Variants in APLF observed in about 807,000 individuals in gnomAD.
The protein encoded by APLF is aprataxin and PNKP like factor, also known as aprataxin and PNK-like factor.
In APLF, 61 loss-of-function variants were observed where a neutral mutation model predicts 55.6. The ratio of observed to expected loss-of-function variants is 1.10; its 90% CI spans 0.89 to 1.36. APLF has a LOEUF of 1.36. Among genes scored for constraint, APLF ranks in the 40% most tolerant of loss-of-function variants. The pLI is 0.00. For missense variants in APLF, 611 were observed against 602.5 expected (o/e 1.01, Z -0.15); for synonymous variants, 207 against 214.8 (o/e 0.96, Z 0.32).
Position 68,578,612 on chromosome 2 carries a change from G to T in APLF, c.*590G>T. ...AAATAGATTCAACTAGGCTGTAGAA[G>T]AGAAATGTTCACCATGTAGGGAATG... On this transcript the variant is annotated 3_prime_UTR_variant, in exon 10 of 10. Coordinates refer to ENST00000303795, the MANE Select transcript of APLF (RefSeq NM_173545.3). 1 of 985,324 alleles carries T rather than the reference G, an allele frequency of 1.0e-6. No individual in the cohort carries two copies. The highest frequency in any genetic ancestry group is 1.2e-6 in the Non-Finnish European group (1 of 829,892). The allele number at this position is 985,324 out of a possible 1,614,324, so 61.0% of individuals were successfully genotyped here.
At chr2:68,565,152 C>T (rs1671267357) in intron 8 of APLF, among the ~76,000 whole-genome samples, 1 of 152,048 alleles carries the variant, frequency 6.6e-6, no homozygotes. Context: ...TTGAAAGTAA[C>T]ACTAGTTAAA....
intron 1 of APLF, among the ~76,000 whole-genome samples, chr2:68,473,113 A>C (rs550271998): frequency 2.6e-5 from 4 of 152,156 alleles, no homozygotes; most frequent in African/African-American, 9.7e-5. Flanking sequence ...ACATTTATCT[A>C]CCATTGCAGT....
chr2:68,495,608 C>G (rs916782335), intron 2 of APLF, among the ~76,000 whole-genome samples: 1 of 152,234 alleles, frequency 6.6e-6, no homozygotes, highest in African/African-American at 2.4e-5. Context: ...CACAGCTCTA[C>G]TAGGCAGTGT....
intron 4 of APLF, 114 bp from the exon 5 acceptor site, chr2:68,513,434 C>T (rs1355836671): frequency 7.7e-7 from 1 of 1,306,090 alleles, no homozygotes; most frequent in African/African-American, 1.5e-5. Context: ...ATTTTATGAA[C>T]TCAGTCTACA....
intron 5 of APLF, among the ~76,000 whole-genome samples, chr2:68,519,123 CAT>C (rs929664608): frequency 2.6e-4 from 30 of 115,996 alleles, no homozygotes; most frequent in African/African-American, 7.0e-4. Context: ...ATATATAAAA[CAT>C]ATAATTTGAC....
At chr2:68,474,956 C>T (rs1264241626) in intron 1 of APLF, among the ~76,000 whole-genome samples, 4 of 152,174 alleles carry the variant, frequency 2.6e-5, no homozygotes. Context: ...GCGTGAGCCT[C>T]CGCGCCTGGG....
chr2:68,528,606 G>C, intron 6 of APLF: 1 of 1,533,968 alleles, frequency 6.5e-7, no homozygotes, highest in Non-Finnish European at 8.7e-7. Flanking sequence ...GGAGAGCTGG[G>C]CAGGTGGTCT....
intron 8 of APLF, among the ~76,000 whole-genome samples, chr2:68,560,581 T>A (rs1671141819): frequency 6.6e-6 from 1 of 152,128 alleles, no homozygotes; most frequent in South Asian, 2.1e-4. Context: ...AAAATCAGAA[T>A]AATGTTTTTG....
At chr2:68,480,378 C>G (rs538965646) in intron 1 of APLF, among the ~76,000 whole-genome samples, 1 of 151,272 alleles carries the variant, frequency 6.6e-6, no homozygotes, top group South Asian at 2.1e-4. Flanking sequence ...GATCTCGGCT[C>G]ACTGCAACCT....
At chr2:68,545,150 T>C (rs747452042) in intron 7 of APLF, 37 bp from the exon 8 acceptor site, 1 of 936,286 alleles carries the variant, frequency 1.1e-6, no homozygotes. Context: ...GAATATCCTA[T>C]TTTTTTTTTC....
At chr2:68,518,233 A>G (rs1300553884) in intron 5 of APLF, among the ~76,000 whole-genome samples, 1 of 119,964 alleles carries the variant, frequency 8.3e-6, no homozygotes, top group Non-Finnish European at 1.6e-5. Context: ...ATAATAGATC[A>G]TTAATATATA....
At chr2:68,547,118 T>A (rs1020177193) in intron 8 of APLF, among the ~76,000 whole-genome samples, 4 of 151,690 alleles carry the variant, frequency 2.6e-5, no homozygotes, top group Non-Finnish European at 3.0e-5. Context: ...GAAAATAAAA[T>A]TTTTTAAAGA....
At chr2:68,564,614 C>G (rs1302985748) in intron 8 of APLF, among the ~76,000 whole-genome samples, 1 of 152,060 alleles carries the variant, frequency 6.6e-6, no homozygotes, top group Non-Finnish European at 1.5e-5. Flanking sequence ...CTCATGAATC[C>G]TCACAACAGC....
chr2:68,532,420 C>G (rs1670283912), intron 6 of APLF, among the ~76,000 whole-genome samples: 2 of 152,120 alleles, frequency 1.3e-5, no homozygotes, highest in African/African-American at 4.8e-5. Flanking sequence ...TGTGTGGAGC[C>G]TGTGCATCAG....
chr2:68,492,947 C>CT (rs1168674653), intron 2 of APLF, among the ~76,000 whole-genome samples: 1 of 151,906 alleles, frequency 6.6e-6, no homozygotes, highest in African/African-American at 2.4e-5. Flanking sequence ...TTTCGAGTAC[C>CT]TTTTTTTGAC....
At chr2:68,577,231 A>G (rs941611899) in intron 9 of APLF, among the ~76,000 whole-genome samples, 2 of 152,184 alleles carry the variant, frequency 1.3e-5, no homozygotes, top group Non-Finnish European at 2.9e-5. Context: ...TCAGTGCCTT[A>G]TAACAATAAA....
chr2:68,467,961 G>T (rs1292427831), intron 1 of APLF, 134 bp downstream of exon 1: 3 of 599,530 alleles, frequency 5.0e-6, no homozygotes, highest in African/African-American at 3.8e-5. Flanking sequence ...GTTTGGGGCC[G>T]CACGTTTTTC....
chr2:68,467,890 G>GA, intron 1 of APLF, 63 bp downstream of exon 1: 1 of 1,183,056 alleles, frequency 8.5e-7, no homozygotes, highest in African/African-American at 1.6e-5. Context: ...GGCTCCTGAA[G>GA]ACCGGCCCTA....
chr2:68,558,660 G>T (rs1417826200), intron 8 of APLF, among the ~76,000 whole-genome samples: 3 of 152,010 alleles, frequency 2.0e-5, no homozygotes, highest in Non-Finnish European at 4.4e-5. Flanking sequence ...GATTTCTGGG[G>T]TACATGTGCA....
Sources: gnomAD v4.1 joint callset for allele counts (sites outside exome capture counted in the v4.1 genomes callset) on GRCh38, gnomAD v4.1.1 for gene constraint, MANE v1.5 for transcripts, NCBI Gene and HGNC (gene_info 2026-07-23, HGNC 2026-07-21) for gene names.